Variants in BCAR3 observed in about 807,000 individuals in gnomAD.
BCAR3 encodes BCAR3 adaptor protein, NSP family member.
BCAR3 carries 37 observed loss-of-function variants against 80.1 expected under a neutral mutation model. The ratio of observed to expected loss-of-function variants is 0.46; its 90% CI spans 0.36 to 0.61. The LOEUF is 0.61. Among genes scored for constraint, BCAR3 ranks in the 20% least tolerant of loss-of-function variants. BCAR3 has a pLI of 0.00. For synonymous variants in BCAR3, 389 were observed against 418.9 expected, an observed-to-expected ratio of 0.93 and a Z score of 0.87; for missense variants, 978 against 1,068.2, an observed-to-expected ratio of 0.92 and a Z score of 1.18.
At chr1:93,649,693 C>T (rs962848004) in intron 2 of BCAR3, among the ~76,000 whole-genome samples, 3 of 151,980 alleles carry the variant, frequency 2.0e-5, no homozygotes, top group Admixed American at 6.6e-5. Context: ...ACAAATCTGA[C>T]TATATTGCCT....
chr1:93,580,855 G>A (rs150206983), intron 7 of BCAR3, among the ~76,000 whole-genome samples: 101 of 152,176 alleles, frequency 6.6e-4, no homozygotes, highest in African/African-American at 2.1e-3. Context: ...TAAAATAAAC[G>A]TTTCCTACAA....
chr1:93,765,687 T>A (rs577316912), intron 2 of BCAR3, among the ~76,000 whole-genome samples: 2 of 151,884 alleles, frequency 1.3e-5, no homozygotes, highest in African/African-American at 2.4e-5. Context: ...TTTTTTTTTT[T>A]AGAGAGAGTC....
chr1:93,691,936 A>G (rs531079250), intron 3 of BCAR3, among the ~76,000 whole-genome samples: 2 of 152,220 alleles, frequency 1.3e-5, no homozygotes, highest in Admixed American at 6.5e-5. Flanking sequence ...AATGTGGACA[A>G]CTCTTAAAGC....
At chr1:93,564,634 A>G (rs1672864435) in intron 11 of BCAR3, among the ~76,000 whole-genome samples, 1 of 152,186 alleles carries the variant, frequency 6.6e-6, no homozygotes, top group African/African-American at 2.4e-5. Flanking sequence ...TTTCTTACAG[A>G]AGGTTATACT....
chr1:93,660,633 A>C (rs971204768), intron 2 of BCAR3, among the ~76,000 whole-genome samples: 1 of 152,270 alleles, frequency 6.6e-6, no homozygotes, highest in Non-Finnish European at 1.5e-5. Flanking sequence ...CCCAATAAAG[A>C]GTTACTTTCT....
intron 2 of BCAR3, among the ~76,000 whole-genome samples, chr1:93,737,588 G>C (rs572437271): frequency 6.6e-6 from 1 of 152,292 alleles, no homozygotes; most frequent in South Asian, 2.1e-4. Flanking sequence ...CTGACATCTT[G>C]ATTCTGGACT....
chr1:93,710,813 T>C (rs1359676494), intron 2 of BCAR3, among the ~76,000 whole-genome samples: 1 of 152,238 alleles, frequency 6.6e-6, no homozygotes, highest in Non-Finnish European at 1.5e-5. Flanking sequence ...AAAACAAACA[T>C]TTGTTATCTC....
rs1673452287 is a variant in BCAR3 at position 93,576,236 on chromosome 1, TTA to T, written c.1687-109_1687-108del. 3 of 639,120 alleles carry T rather than the reference TTA, an allele frequency of 4.7e-6. No individual in the cohort carries two copies. In the East Asian group the frequency reaches 9.3e-5, roughly 20 times the overall value. The allele number at this position is 639,120 out of a possible 1,614,324, so 39.6% of individuals were successfully genotyped here. On this transcript the variant is annotated intron_variant, in intron 7 of 11. Transcript: ENST00000260502. The stretch of plus-strand genomic sequence containing the variant: ...ACTGAACTACGATGGCGTGGACACT[TTA>T]TGAGTTACATTTCTTTATAAGCAGC...
intron 2 of BCAR3, among the ~76,000 whole-genome samples, chr1:93,783,020 G>GA (rs1202652029): frequency 1.3e-5 from 2 of 152,054 alleles, no homozygotes; most frequent in Non-Finnish European, 2.9e-5. Flanking sequence ...ATTTCAGAAG[G>GA]AAAAAAACAT....
At chr1:93,782,320 C>A (rs139634182) in intron 2 of BCAR3, among the ~76,000 whole-genome samples, 3 of 152,184 alleles carry the variant, frequency 2.0e-5, no homozygotes, top group African/African-American at 7.2e-5. Context: ...TTCAGCTTTG[C>A]CCCATTTTTG....
At chr1:93,721,204 A>G (rs1181325672) in intron 2 of BCAR3, among the ~76,000 whole-genome samples, 3 of 152,080 alleles carry the variant, frequency 2.0e-5, no homozygotes, top group African/African-American at 7.2e-5. Flanking sequence ...AGTAGCTGGG[A>G]GGGGACAGTT....
rs370250776 is a variant in BCAR3, at chr1:93,582,844, C to T, written c.1143G>A (p.Arg381=). The change falls in exon 7 of 12, where the codon AGG becomes AGA. Residue 381 remains arginine (R), a synonymous_variant. Coordinates refer to ENST00000260502, the MANE Select transcript of BCAR3 (RefSeq NM_003567.4). ...CCCCAGCCCTGGCGTCTGAGGAGACCCTCCGAACCACTGCTGGGCTCAGGG... is the reference window on the plus strand; with the variant it reads ...CCCCAGCCCTGGCGTCTGAGGAGACTCTCCGAACCACTGCTGGGCTCAGGG... ...EPALSPAVVR[R]VSSDARAGEA... The T allele has an allele frequency of 5.0e-6, 8 of 1,613,244 alleles. No homozygotes were observed. The African/African-American group carries it at 6.7e-5, about 13-fold the overall frequency.
intron 2 of BCAR3, among the ~76,000 whole-genome samples, chr1:93,840,243 A>G (rs995698265): frequency 2.6e-5 from 4 of 152,156 alleles, no homozygotes; most frequent in African/African-American, 9.7e-5. Context: ...AAACTGCTGT[A>G]GTCCAGGGTA....
chr1:93,783,843 A>G (rs1557687299), intron 2 of BCAR3, among the ~76,000 whole-genome samples: 1 of 152,178 alleles, frequency 6.6e-6, no homozygotes, highest in Non-Finnish European at 1.5e-5. Context: ...TGTAGTCAGT[A>G]TCTCCTCCCC....
chr1:93,589,364 G>C lies in BCAR3; in HGVS notation c.542C>G (p.Ser181Cys), dbSNP rs773271415. ...GGTCAGGACAAAGTTCCCAGGGCTG[G>C]ACAGAGAGTCACGAACTAGGAAGTC... is the stretch of plus-strand genomic sequence containing the variant. ...DGDFLVRDSL[S>C]SPGNFVLTCQ... Residue 181 changes from serine (S) to cysteine (C), a missense_variant, in exon 5 of 12, where the codon TCC becomes TGC. Transcript: ENST00000260502. 6.2e-7 allele frequency: 1 copy of C among 1,614,028 alleles called. No individual in the cohort carries two copies. Among genetic ancestry groups the C allele is most frequent in the South Asian group, 1.1e-5 (1 of 91,062 alleles).
intron 2 of BCAR3, among the ~76,000 whole-genome samples, chr1:93,807,957 G>C (rs1290442723): frequency 6.6e-6 from 1 of 151,426 alleles, no homozygotes; most frequent in Non-Finnish European, 1.5e-5. Context: ...TGAGGTGGGA[G>C]GTTCAGGGAG....
At chr1:93,783,419 C>T (rs916834740) in intron 2 of BCAR3, among the ~76,000 whole-genome samples, 5 of 152,128 alleles carry the variant, frequency 3.3e-5, no homozygotes, top group Non-Finnish European at 7.4e-5. Flanking sequence ...AATTCTTGCC[C>T]TAGGCTCATG....
chr1:93,608,724 C>G (rs570939147), intron 3 of BCAR3, among the ~76,000 whole-genome samples: 1 of 152,330 alleles, frequency 6.6e-6, no homozygotes, highest in African/African-American at 2.4e-5. Flanking sequence ...TGTCTTTCCC[C>G]TGATATTGAA....
At chr1:93,607,575 C>G (rs1324890239) in intron 3 of BCAR3, among the ~76,000 whole-genome samples, 1 of 151,912 alleles carries the variant, frequency 6.6e-6, no homozygotes, top group East Asian at 1.9e-4. Flanking sequence ...TCACTCACTC[C>G]GCATCCAAGC....
Sources: gnomAD v4.1 joint callset for allele counts (sites outside exome capture counted in the v4.1 genomes callset) on GRCh38, gnomAD v4.1.1 for gene constraint, MANE v1.5 for transcripts, NCBI Gene and HGNC (gene_info 2026-07-23, HGNC 2026-07-21) for gene names.